The following SYT13 variants were observed in gnomAD, a reference collection of about 807,000 sequenced individuals.
SYT13 encodes synaptotagmin 13.
Under a neutral mutation model 38.6 loss-of-function variants are expected in SYT13, and 21 were observed. The ratio of observed to expected loss-of-function variants is 0.54; its 90% CI spans 0.39 to 0.78. The LOEUF (loss-of-function observed/expected upper bound fraction) is 0.78, where lower values mean the gene tolerates loss of function less well. Among genes scored for constraint, SYT13 ranks in the 30% least tolerant of loss-of-function variants. The probability of loss-of-function intolerance (pLI) is 0.00; values close to 1 mark genes in which losing one functional copy is unlikely to be tolerated. For missense variants in SYT13, 495 were observed against 548.7 expected (o/e 0.90, Z 0.98); for synonymous variants, 241 against 237.6 (o/e 1.01, Z -0.13).
At chr11:45,278,997 C>A (rs1057253984) in intron 1 of SYT13, among the ~76,000 whole-genome samples, 3 of 152,186 alleles carry the variant, frequency 2.0e-5, no homozygotes, top group African/African-American at 7.2e-5. Context: ...GCAAAGCAAT[C>A]GAAAGCATTG....
chr11:45,284,603 C>T (rs1166780276), intron 1 of SYT13, among the ~76,000 whole-genome samples: 1 of 152,062 alleles, frequency 6.6e-6, no homozygotes, highest in Non-Finnish European at 1.5e-5. Context: ...GGAAGAGACC[C>T]TAGAGGTCAT....
chr11:45,262,626 C>T (rs780553730), intron 1 of SYT13, among the ~76,000 whole-genome samples: 15 of 151,324 alleles, frequency 9.9e-5, no homozygotes, highest in South Asian at 2.1e-4. Context: ...CTCAGGCGGC[C>T]GAGGTGGGAG....
At chr11:45,249,197 A>G (rs1443559498) in intron 4 of SYT13, among the ~76,000 whole-genome samples, 1 of 152,240 alleles carries the variant, frequency 6.6e-6, no homozygotes, top group Non-Finnish European at 1.5e-5. Context: ...CAAAACCACA[A>G]TGAGATACCA....
intron 1 of SYT13, among the ~76,000 whole-genome samples, chr11:45,262,768 CAAATTGA>C (rs1854834612): frequency 4.7e-5 from 3 of 63,366 alleles, no homozygotes; most frequent in Non-Finnish European, 9.7e-5. Flanking sequence ...CACACACACA[CAAATTGA>C]ACTGTACACT....
At chr11:45,253,096 A>C (rs1854699296) in intron 3 of SYT13, among the ~76,000 whole-genome samples, 1 of 152,186 alleles carries the variant, frequency 6.6e-6, no homozygotes, top group African/African-American at 2.4e-5. Flanking sequence ...GTCACCACAT[A>C]ACCATTTTCC....
intron 1 of SYT13, among the ~76,000 whole-genome samples, chr11:45,273,044 A>G (rs1412770126): frequency 2.0e-5 from 3 of 152,222 alleles, no homozygotes; most frequent in Admixed American, 6.5e-5. Flanking sequence ...TATGCTATCA[A>G]TAAGGGTTTT....
chr11:45,283,903 A>C (rs1855104082), intron 1 of SYT13, among the ~76,000 whole-genome samples: 1 of 152,380 alleles, frequency 6.6e-6, no homozygotes, highest in Middle Eastern at 3.4e-3. Flanking sequence ...CAGTAAGTGA[A>C]TATGAAAGAT....
At chr11:45,278,488 G>A (rs1002430696) in intron 1 of SYT13, among the ~76,000 whole-genome samples, 2 of 151,930 alleles carry the variant, frequency 1.3e-5, no homozygotes, top group African/African-American at 4.8e-5. Flanking sequence ...CTTTGCTTGG[G>A]CCCCCTCTGG....
rs1854685805 is a variant in SYT13 at position 45,252,292 on chromosome 11, C to T, written c.846+129G>A. Reference sequence around the variant, plus strand: ...TGCCCCATTCAAGATTCCAACCTCCCTTCCAGCCCCAAGCCAGGGAGGTCT... The same window carrying T: ...TGCCCCATTCAAGATTCCAACCTCCTTTCCAGCCCCAAGCCAGGGAGGTCT... On this transcript the variant is annotated intron_variant, in intron 4 of 5. Transcript: ENST00000020926. The surrounding 1 kb of genome is among the most constrained non-coding windows in gnomAD (Gnocchi z 4.3). 3 of 1,165,056 alleles carry T rather than the reference C, an allele frequency of 2.6e-6. No individual in the cohort carries two copies. The South Asian group carries it at 5.0e-5, about 19-fold the overall frequency. 72.2% of individuals were successfully genotyped at this position (1,165,056 alleles called of 1,614,324 possible). A position where few individuals can be genotyped will look rare whatever the true frequency, so the allele number is the denominator to read the frequency against.
chr11:45,254,223 G>C, intron 3 of SYT13, 47 bp downstream of exon 3: 1 of 1,566,724 alleles, frequency 6.4e-7, no homozygotes, highest in Middle Eastern at 1.8e-4. Flanking sequence ...GCTTCTCCAG[G>C]GGAGATAGAC....
At chr11:45,269,361 CAAAA>C in intron 1 of SYT13, 1 of 907,474 alleles carries the variant, frequency 1.1e-6, no homozygotes, top group Non-Finnish European at 1.4e-6. Flanking sequence ...AACAAACAAA[CAAAA>C]AACTCCGTGG....
intron 2 of SYT13, 92 bp from the exon 3 acceptor site, chr11:45,254,496 A>G: frequency 1.3e-6 from 2 of 1,509,908 alleles, no homozygotes; most frequent in Non-Finnish European, 1.8e-6. Flanking sequence ...TATGCCAGGA[A>G]CCCAAACCCA....
intron 1 of SYT13, among the ~76,000 whole-genome samples, chr11:45,264,791 A>G (rs760192903): frequency 1.3e-5 from 2 of 152,258 alleles, no homozygotes; most frequent in Non-Finnish European, 2.9e-5. Flanking sequence ...AAAAAAATGT[A>G]GACACCACTA....
Position 45,246,474 on chromosome 11 carries a change from G to C in SYT13, c.885C>G (p.Ile295Met), listed in dbSNP as rs1373023332. 2 of 1,614,178 alleles carry C rather than the reference G, an allele frequency of 1.2e-6. No homozygotes were observed. The highest frequency in any genetic ancestry group is 3.3e-5 in the Admixed American group (2 of 60,024). Residue 295 changes from isoleucine (I) to methionine (M), a missense_variant, in exon 5 of 6, where the codon ATC becomes ATG. Ile to Met is a conservative substitution (Grantham distance 10). Transcript: ENST00000020926. The part of the protein sequence containing the change: ...SAGAGEVLLS[I>M]SYLPAANRLL... ...GGCGGTTGGCAGCCGGGAGGTAGCT[G>C]ATGGATAGTAGGACCTCTCCAGCTC...
At chr11:45,262,627 G>A (rs986221736) in intron 1 of SYT13, among the ~76,000 whole-genome samples, 1 of 151,844 alleles carries the variant, frequency 6.6e-6, no homozygotes, top group Non-Finnish European at 1.5e-5. Context: ...TCAGGCGGCC[G>A]AGGTGGGAGG....
intron 1 of SYT13, among the ~76,000 whole-genome samples, chr11:45,273,231 A>T (rs1398194643): frequency 6.6e-6 from 1 of 152,200 alleles, no homozygotes; most frequent in African/African-American, 2.4e-5. Context: ...AGGAGAGGTC[A>T]CTGGAAACAG....
intron 1 of SYT13, among the ~76,000 whole-genome samples, chr11:45,268,798 A>T (rs2135903635): frequency 6.6e-6 from 1 of 152,258 alleles, no homozygotes; most frequent in African/African-American, 2.4e-5. Flanking sequence ...GTGGGGCTGG[A>T]GGAAGGATGT....
At chr11:45,250,768 A>G (rs989034475) in intron 4 of SYT13, among the ~76,000 whole-genome samples, 1 of 152,142 alleles carries the variant, frequency 6.6e-6, no homozygotes, top group African/African-American at 2.4e-5. Flanking sequence ...TCATAGCAAA[A>G]AGAGGAGCAG....
chr11:45,278,558 G>A (rs1473773905), intron 1 of SYT13, among the ~76,000 whole-genome samples: 1 of 151,988 alleles, frequency 6.6e-6, no homozygotes, highest in African/African-American at 2.4e-5. Flanking sequence ...CTCCTCCTGT[G>A]CCCCAGGTAC....
Sources: gnomAD v4.1 joint callset for allele counts (sites outside exome capture counted in the v4.1 genomes callset) on GRCh38, gnomAD v4.1.1 for gene constraint, Gnocchi (gnomAD v3.1) non-coding constraint, MANE v1.5 for transcripts, NCBI Gene and HGNC (gene_info 2026-07-23, HGNC 2026-07-21) for gene names.